Variants in CYP7B1 observed in about 807,000 individuals in gnomAD.
CYP7B1 encodes cytochrome P450 7B1.
CYP7B1 carries 29 observed loss-of-function variants against 42.7 expected under a neutral mutation model. That is an observed-to-expected ratio of 0.68 (90% CI 0.51 to 0.93). The LOEUF (loss-of-function observed/expected upper bound fraction) is 0.93, where lower values mean the gene tolerates loss of function less well. Ranked by LOEUF, CYP7B1 falls within the 40% of genes least tolerant of loss-of-function variation. The pLI is 0.00. For missense variants in CYP7B1, 655 were observed against 600.5 expected (o/e 1.09, Z -0.95); for synonymous variants, 235 against 218.2 (o/e 1.08, Z -0.68).
intron 1 of CYP7B1, among the ~76,000 whole-genome samples, chr8:64,787,163 C>T (rs1315980999): frequency 6.6e-6 from 1 of 152,256 alleles, no homozygotes; most frequent in Non-Finnish European, 1.5e-5. Context: ...GACATTTTCC[C>T]CACTGTGTTG....
chr8:64,643,259 CCAT>C (rs966405330), intron 1 of CYP7B1, among the ~76,000 whole-genome samples: 2 of 150,832 alleles, frequency 1.3e-5, no homozygotes, highest in African/African-American at 4.9e-5. Flanking sequence ...TTCCAGACCA[CCAT>C]CATAATGTGA....
chr8:64,591,564 A>T lies in CYP7B1; in HGVS notation c.*5078T>A, dbSNP rs1490045625. Among the ~76,000 whole-genome samples the T allele has an allele frequency of 3.9e-5, 6 of 152,208 alleles. No homozygotes were observed. Among genetic ancestry groups the T allele is most frequent in the Non-Finnish European group, 8.8e-5 (6 of 68,046 alleles). On this transcript the variant is annotated 3_prime_UTR_variant, in exon 6 of 6. Transcript: ENST00000310193. Reference sequence around the variant, plus strand: ...AGTTAGAAGTCACTTGCAGAAAATTACCCAAATTATTTTTATGATAAAATA... The same window carrying T: ...AGTTAGAAGTCACTTGCAGAAAATTTCCCAAATTATTTTTATGATAAAATA...
At chr8:64,598,701 T>G (rs762445753) in intron 5 of CYP7B1, among the ~76,000 whole-genome samples, 47 of 152,166 alleles carry the variant, frequency 3.1e-4, no homozygotes, top group Non-Finnish European at 5.7e-4. Context: ...GCAGGAGTGC[T>G]CCTTACCCAT....
intron 1 of CYP7B1, among the ~76,000 whole-genome samples, chr8:64,771,541 A>G (rs1227187345): frequency 6.6e-6 from 1 of 152,196 alleles, no homozygotes; most frequent in Non-Finnish European, 1.5e-5. Flanking sequence ...ACTAATTTAC[A>G]CACAAAGAAG....
intron 5 of CYP7B1, among the ~76,000 whole-genome samples, chr8:64,597,466 C>T (rs1440818625): frequency 2.0e-5 from 3 of 152,126 alleles, no homozygotes; most frequent in African/African-American, 4.8e-5. Flanking sequence ...AATATAAAAT[C>T]GTAAGATTCA....
chr8:64,663,579 C>G (rs766055138), intron 1 of CYP7B1, among the ~76,000 whole-genome samples: 9 of 152,086 alleles, frequency 5.9e-5, no homozygotes, highest in Admixed American at 2.0e-4. Context: ...GCTGTTAAAC[C>G]CTTCTACCTC....
intron 1 of CYP7B1, among the ~76,000 whole-genome samples, chr8:64,627,179 T>C (rs569380566): frequency 1.3e-5 from 2 of 152,348 alleles, no homozygotes; most frequent in Admixed American, 6.5e-5. Context: ...TGCATAGAGA[T>C]GGGAATCTTA....
At chr8:64,770,723 G>A (rs1203241030) in intron 1 of CYP7B1, among the ~76,000 whole-genome samples, 1 of 152,114 alleles carries the variant, frequency 6.6e-6, no homozygotes, top group Non-Finnish European at 1.5e-5. Flanking sequence ...TACACACATT[G>A]GGTGGATGAA....
chr8:64,768,935 T>C lies in CYP7B1; in HGVS notation c.122+29531A>G, dbSNP rs141536044. Among the ~76,000 whole-genome samples, 39 of 152,172 alleles carry C rather than the reference T, an allele frequency of 2.6e-4. No individual in the cohort carries two copies. In the East Asian group the frequency reaches 7.2e-3, roughly 28 times the overall value. ...ATAAACTGCAAACTCTATGAGTTTGTTGCACAGGATTCTTATCTACACATC... is the reference window on the plus strand; with the variant it reads ...ATAAACTGCAAACTCTATGAGTTTGCTGCACAGGATTCTTATCTACACATC... On this transcript the variant is annotated intron_variant, in intron 1 of 5. Coordinates refer to ENST00000310193, the MANE Select transcript of CYP7B1 (RefSeq NM_004820.5).
rs13248755 is a variant in CYP7B1 at position 64,773,518 on chromosome 8, T to C, written c.122+24948A>G. Among the ~76,000 whole-genome samples, 207 of 152,260 alleles carry C rather than the reference T, an allele frequency of 1.4e-3. 1 individual carries two copies. The East Asian group carries it at 0.03, about 22-fold the overall frequency. On this transcript the variant is annotated intron_variant, in intron 1 of 5. Coordinates refer to ENST00000310193, the MANE Select transcript of CYP7B1 (RefSeq NM_004820.5). ...TGCAAAAAATAACAGTACAACAGGGTATCCCATAGACACTGTACATTCAAA... is the reference window on the plus strand; with the variant it reads ...TGCAAAAAATAACAGTACAACAGGGCATCCCATAGACACTGTACATTCAAA...
chr8:64,689,893 A>C (rs1202018837), intron 1 of CYP7B1, among the ~76,000 whole-genome samples: 1 of 151,782 alleles, frequency 6.6e-6, no homozygotes, highest in East Asian at 1.9e-4. Context: ...TTGCATTTCC[A>C]CTCTTTGGAA....
chr8:64,763,762 C>A (rs533291162), intron 1 of CYP7B1, among the ~76,000 whole-genome samples: 106 of 152,332 alleles, frequency 7.0e-4, no homozygotes, highest in Middle Eastern at 3.4e-3. Context: ...TCATCCCGAA[C>A]TCCCAGCATT....
intron 1 of CYP7B1, among the ~76,000 whole-genome samples, chr8:64,770,826 C>T (rs998326628): frequency 7.9e-5 from 12 of 152,226 alleles, no homozygotes; most frequent in African/African-American, 2.6e-4. Flanking sequence ...ACACGCTTTC[C>T]CTTCCCCATA....
At chr8:64,764,115 G>C (rs1807932931) in intron 1 of CYP7B1, among the ~76,000 whole-genome samples, 1 of 152,056 alleles carries the variant, frequency 6.6e-6, no homozygotes, top group South Asian at 2.1e-4. Context: ...CAGTTATGTG[G>C]GACCCGTTCC....
chr8:64,705,629 C>T (rs193224930), intron 1 of CYP7B1, among the ~76,000 whole-genome samples: 63 of 151,764 alleles, frequency 4.2e-4, no homozygotes, highest in African/African-American at 1.3e-3. Flanking sequence ...TTAGAATTGA[C>T]GGTTTTGCAG....
intron 1 of CYP7B1, among the ~76,000 whole-genome samples, chr8:64,676,897 C>T (rs1806454033): frequency 6.6e-6 from 1 of 152,062 alleles, no homozygotes. Flanking sequence ...TAGCCGTCTG[C>T]TAATGATGCA....
At chr8:64,673,586 G>C (rs927885182) in intron 1 of CYP7B1, among the ~76,000 whole-genome samples, 3 of 152,202 alleles carry the variant, frequency 2.0e-5, no homozygotes, top group African/African-American at 7.2e-5. Context: ...GAGCCAAGGA[G>C]GAACACATAA....
intron 4 of CYP7B1, among the ~76,000 whole-genome samples, chr8:64,606,141 G>A (rs568583262): frequency 2.0e-5 from 3 of 152,254 alleles, no homozygotes; most frequent in Non-Finnish European, 4.4e-5. Flanking sequence ...TCAATGTGAC[G>A]TACAGTGAGG....
intron 1 of CYP7B1, among the ~76,000 whole-genome samples, chr8:64,780,541 C>T (rs1804405144): frequency 6.6e-6 from 1 of 151,852 alleles, no homozygotes; most frequent in African/African-American, 2.4e-5. Context: ...AGATCCCATC[C>T]CAAATACTTC....
Sources: allele counts gnomAD v4.1 joint callset (sites outside exome capture counted in the v4.1 genomes callset), GRCh38; gene constraint gnomAD v4.1.1; transcripts MANE v1.5; gene names NCBI Gene and HGNC (gene_info 2026-07-23, HGNC 2026-07-21).